The following DHRSX variants were observed in gnomAD, a reference collection of about 807,000 sequenced individuals.
DHRSX encodes polyprenol dehydrogenase.
Under a neutral mutation model 34.0 loss-of-function variants are expected in DHRSX, and 31 were observed. The observed-to-expected ratio is 0.91, with a 90% CI of 0.69 to 1.23. The LOEUF (loss-of-function observed/expected upper bound fraction) is 1.23, where lower values mean the gene tolerates loss of function less well. Ranked by LOEUF, DHRSX falls within the 50% of genes most tolerant of loss-of-function variation. The probability of loss-of-function intolerance (pLI) is 0.00; values close to 1 mark genes in which losing one functional copy is unlikely to be tolerated. For synonymous variants in DHRSX, 201 were observed against 183.8 expected, an observed-to-expected ratio of 1.09 and a Z score of -0.76; for missense variants, 414 against 428.1, an observed-to-expected ratio of 0.97 and a Z score of 0.29.
chrX:2,491,228 C>A (rs1431668469), intron 1 of DHRSX, among the ~76,000 whole-genome samples: 1 of 152,096 alleles, frequency 6.6e-6, no homozygotes, highest in African/African-American at 2.4e-5. Flanking sequence ...TGCCATCACG[C>A]CTGGCTAATT....
At chrX:2,287,525 C>T (rs932078910) in intron 4 of DHRSX, among the ~76,000 whole-genome samples, 1 of 126,854 alleles carries the variant, frequency 7.9e-6, no homozygotes, top group African/African-American at 3.1e-5. Flanking sequence ...CCATGTGGTA[C>T]ACAGAATAAT....
At position 2,298,610 on chromosome X, in the gene DHRSX, A is replaced by ACACACACGCACACACACACACACG. The variant is rs1428468903; in HGVS notation, c.287-7008_287-7007insCGTGTGTGTGTGTGTGCGTGTGTG. Among the ~76,000 whole-genome samples the ACACACACGCACACACACACACACG allele has an allele frequency of 5.2e-4, 34 of 64,778 alleles. 2 individuals carry two copies. Among genetic ancestry groups the ACACACACGCACACACACACACACG allele is most frequent in the Admixed American group, 1.4e-3 (9 of 6,258 alleles). 42.5% of individuals were successfully genotyped at this position (64,778 alleles called of 152,430 possible). On this transcript the variant is annotated intron_variant, in intron 3 of 6. Coordinates refer to ENST00000334651, the MANE Select transcript of DHRSX (RefSeq NM_145177.3). The stretch of plus-strand genomic sequence containing the variant: ...CCTGCAGGCGCGTGTGTACACACAC[A>ACACACACGCACACACACACACACG]CACACACACACACACACACACACAC...
intron 3 of DHRSX, among the ~76,000 whole-genome samples, chrX:2,302,026 T>G (rs1480086682): frequency 6.6e-6 from 1 of 152,122 alleles, no homozygotes; most frequent in Admixed American, 6.5e-5. Context: ...TCACAAGAAC[T>G]GGCGCTTCCT....
intron 3 of DHRSX, among the ~76,000 whole-genome samples, chrX:2,345,998 C>A (rs775962658): frequency 3.9e-5 from 6 of 152,102 alleles, no homozygotes; most frequent in Admixed American, 6.5e-5. Context: ...ACACACAGTT[C>A]CCTGGTTCTG....
At chrX:2,334,450 GC>G (rs1178078190) in intron 3 of DHRSX, 1 of 151,800 alleles carries the variant, frequency 6.6e-6, no homozygotes, top group African/African-American at 2.4e-5. Context: ...ACCGGACCCA[GC>G]CGCCTATTTT....
intron 1 of DHRSX, among the ~76,000 whole-genome samples, chrX:2,491,583 C>A (rs1316792732): frequency 1.3e-5 from 2 of 152,220 alleles, no homozygotes; most frequent in African/African-American, 4.8e-5. Context: ...AGAAGCCAAA[C>A]AGGACCTCCA....
chrX:2,383,071 T>G (rs369042951), intron 3 of DHRSX, among the ~76,000 whole-genome samples: 61,905 of 149,468 alleles, frequency 0.41, 13,023 homozygotes, highest in East Asian at 0.54. Flanking sequence ...ATCACCATCA[T>G]CAGCAGCAGC....
chrX:2,349,796 C>T (rs953869952), intron 3 of DHRSX, among the ~76,000 whole-genome samples: 4 of 151,590 alleles, frequency 2.6e-5, no homozygotes, highest in Non-Finnish European at 5.9e-5. Context: ...AATTCCAGCA[C>T]TTTGGGAGGC....
Position 2,500,791 on chromosome X carries a change from C to T in DHRSX, c.109+26G>A, listed in dbSNP as rs2045408367. 9.2e-6 allele frequency: 10 copies of T among 1,091,964 alleles called. No individual in the cohort carries two copies. The East Asian group carries it at 4.5e-4, about 49-fold the overall frequency. The allele number at this position is 1,091,964 out of a possible 1,614,324, so 67.6% of individuals were successfully genotyped here. A position where few individuals can be genotyped will look rare whatever the true frequency, so the allele number is the denominator to read the frequency against. On this transcript the variant is annotated intron_variant, in intron 1 of 6. Coordinates refer to ENST00000334651, the MANE Select transcript of DHRSX (RefSeq NM_145177.3). ...CCGCGCCCACCCGGGTCCCCGGAGC[C>T]CTGACCCCTGCCCCGCCCCGCTGAC...
Position 2,444,296 on chromosome X carries a change from C to G in DHRSX, c.110-18992G>C, listed in dbSNP as rs1158562659. ...CAAGCACACACCCCTTAAGATATGA[C>G]TCTCAGCTCACAGGCTTTCTCCTCT... On this transcript the variant is annotated intron_variant, in intron 1 of 6. Coordinates refer to ENST00000334651, the MANE Select transcript of DHRSX (RefSeq NM_145177.3). Among the ~76,000 whole-genome samples the G allele has an allele frequency of 2.6e-5, 4 of 152,316 alleles. No individual in the cohort carries two copies. In the East Asian group the frequency reaches 7.7e-4, roughly 29 times the overall value.
At chrX:2,285,061 A>T (rs747938328) in intron 4 of DHRSX, among the ~76,000 whole-genome samples, 1 of 152,288 alleles carries the variant, frequency 6.6e-6, no homozygotes, top group East Asian at 1.9e-4. Flanking sequence ...TTAGGGCAGC[A>T]GTCTCCAACC....
intron 3 of DHRSX, among the ~76,000 whole-genome samples, chrX:2,326,755 C>A (rs2042391137): frequency 6.6e-6 from 1 of 151,868 alleles, no homozygotes; most frequent in East Asian, 1.9e-4. Context: ...AAGGAAATTA[C>A]TTTAGCGCAG....
chrX:2,291,689 A>C (rs761076823), intron 3 of DHRSX, 86 bp from the exon 4 acceptor site: 3 of 978,346 alleles, frequency 3.1e-6, no homozygotes, highest in Admixed American at 3.7e-5. Flanking sequence ...GTCAAACTCA[A>C]TTTCATCTAG....
At chrX:2,230,313 G>A (rs1329861673) in intron 6 of DHRSX, among the ~76,000 whole-genome samples, 7 of 152,206 alleles carry the variant, frequency 4.6e-5, no homozygotes, top group African/African-American at 1.7e-4. Context: ...TTCTAGGGAT[G>A]TTTCATGGCC....
intron 3 of DHRSX, among the ~76,000 whole-genome samples, chrX:2,307,246 A>T (rs768307662): frequency 8.5e-5 from 13 of 152,258 alleles, no homozygotes; most frequent in African/African-American, 2.4e-4. Context: ...TCAATTATAC[A>T]TAGGAGCTAA....
intron 4 of DHRSX, among the ~76,000 whole-genome samples, chrX:2,275,839 A>T (rs1458854900): frequency 4.0e-4 from 57 of 143,550 alleles, no homozygotes; most frequent in South Asian, 6.7e-4. Context: ...CTTTTTTTAA[A>T]AATTTTAATT....
intron 1 of DHRSX, among the ~76,000 whole-genome samples, chrX:2,456,223 A>G (rs1858148117): frequency 6.6e-6 from 1 of 152,202 alleles, no homozygotes; most frequent in Non-Finnish European, 1.5e-5. Context: ...CAGGAATATT[A>G]TAACAGGGAC....
chrX:2,424,602 C>A (rs758226552), intron 2 of DHRSX, among the ~76,000 whole-genome samples: 1 of 152,210 alleles, frequency 6.6e-6, no homozygotes, highest in East Asian at 1.9e-4. Context: ...GTTATAACAG[C>A]CCTAGTAAAG....
At chrX:2,266,999 A>C (rs968021915) in intron 4 of DHRSX, 52 bp from the exon 5 acceptor site, 1 of 1,580,208 alleles carries the variant, frequency 6.3e-7, no homozygotes, top group Non-Finnish European at 8.7e-7. Context: ...ACAGTGGAGA[A>C]ATCTCACAGA....
Sources: gnomAD v4.1 joint callset for allele counts (sites outside exome capture counted in the v4.1 genomes callset) on GRCh38, gnomAD v4.1.1 for gene constraint, MANE v1.5 for transcripts, NCBI Gene and HGNC (gene_info 2026-07-23, HGNC 2026-07-21) for gene names.